GNAQ: variants seen among roughly 807,000 people sequenced by gnomAD.
GNAQ encodes the protein guanine nucleotide-binding protein G(q) subunit alpha.
GNAQ carries 8 observed loss-of-function variants against 43.9 expected under a neutral mutation model. The observed-to-expected ratio is 0.18, with a 90% CI of 0.11 to 0.33. The LOEUF is 0.33. Among genes scored for constraint, GNAQ ranks in the 10% least tolerant of loss-of-function variants. GNAQ has a pLI of 1.00. For missense variants in GNAQ, 158 were observed against 450.8 expected (o/e 0.35, Z 5.88); for synonymous variants, 155 against 170.7 (o/e 0.91, Z 0.71).
chr9:77,841,129 T>C (rs776043043), intron 2 of GNAQ, among the ~76,000 whole-genome samples: 12 of 146,904 alleles, frequency 8.2e-5, no homozygotes, highest in East Asian at 2.0e-4. Flanking sequence ...CCAAATTGTA[T>C]TGAAGCACAG....
chr9:77,874,422 G>A (rs12351413), intron 2 of GNAQ, among the ~76,000 whole-genome samples: 1,958 of 152,146 alleles, frequency 0.013, 46 homozygotes, highest in African/African-American at 0.043. Context: ...ATCTCAATCT[G>A]TTCCCTTTTA....
intron 5 of GNAQ, among the ~76,000 whole-genome samples, chr9:77,774,665 G>A (rs1826280785): frequency 6.6e-6 from 1 of 152,104 alleles, no homozygotes; most frequent in South Asian, 2.1e-4. Context: ...GTCTCACTCT[G>A]TTGTCCAGGT....
At chr9:77,804,659 C>T (rs1427082046) in intron 3 of GNAQ, among the ~76,000 whole-genome samples, 1 of 152,122 alleles carries the variant, frequency 6.6e-6, no homozygotes, top group African/African-American at 2.4e-5. Flanking sequence ...TAAATGAAAT[C>T]GCATCTTGGG....
At chr9:77,793,460 G>C (rs1826608489) in intron 5 of GNAQ, among the ~76,000 whole-genome samples, 1 of 152,008 alleles carries the variant, frequency 6.6e-6, no homozygotes, top group South Asian at 2.1e-4. Context: ...TATTTTAATG[G>C]AGATATTAAT....
intron 2 of GNAQ, among the ~76,000 whole-genome samples, chr9:77,899,837 T>A (rs1271565668): frequency 6.6e-6 from 1 of 152,186 alleles, no homozygotes; most frequent in African/African-American, 2.4e-5. Flanking sequence ...ACATATCAAA[T>A]GCACGGAACT....
At chr9:77,863,420 A>G (rs1827893548) in intron 2 of GNAQ, among the ~76,000 whole-genome samples, 2 of 152,288 alleles carry the variant, frequency 1.3e-5, no homozygotes, top group South Asian at 4.1e-4. Context: ...AGACCACCTC[A>G]GCGTGGATTT....
intron 5 of GNAQ, among the ~76,000 whole-genome samples, chr9:77,785,674 A>G (rs1826465480): frequency 6.6e-6 from 1 of 152,230 alleles, no homozygotes. Flanking sequence ...AACAATAACA[A>G]TACTGTCAGT....
intron 5 of GNAQ, among the ~76,000 whole-genome samples, chr9:77,754,537 T>C (rs1165728842): frequency 6.6e-6 from 1 of 152,208 alleles, no homozygotes; most frequent in East Asian, 1.9e-4. Flanking sequence ...TCTGTCATAA[T>C]CACACTCTTC....
chr9:77,859,822 G>A (rs1380996024), intron 2 of GNAQ, among the ~76,000 whole-genome samples: 1 of 152,228 alleles, frequency 6.6e-6, no homozygotes. Context: ...AGGATGAAGA[G>A]TAATTGCTTG....
intron 5 of GNAQ, among the ~76,000 whole-genome samples, chr9:77,762,650 TAGAAAGCGG>T (rs1826063290): frequency 6.6e-6 from 1 of 151,356 alleles, no homozygotes; most frequent in Non-Finnish European, 1.5e-5. Context: ...TTTTGTGGAA[TAGAAAGCGG>T]GGAAAGGTGG....
chr9:77,862,945 G>A (rs1041978584), intron 2 of GNAQ, among the ~76,000 whole-genome samples: 4 of 152,206 alleles, frequency 2.6e-5, no homozygotes, highest in African/African-American at 9.6e-5. Flanking sequence ...TTGGGAGGCT[G>A]AGGCACGAGG....
intron 2 of GNAQ, among the ~76,000 whole-genome samples, chr9:77,882,075 T>C (rs1167620570): frequency 3.3e-5 from 5 of 152,118 alleles, no homozygotes; most frequent in Non-Finnish European, 7.4e-5. Flanking sequence ...AAGGCGGAAG[T>C]TGCAGTGAGC....
chr9:77,934,082 C>T (rs1371288267), intron 1 of GNAQ, among the ~76,000 whole-genome samples: 1 of 152,174 alleles, frequency 6.6e-6, no homozygotes, highest in Non-Finnish European at 1.5e-5. Flanking sequence ...CACCTTATTG[C>T]ATATTCATCA....
At chr9:77,979,724 A>C (rs1280062663) in intron 1 of GNAQ, among the ~76,000 whole-genome samples, 2 of 152,224 alleles carry the variant, frequency 1.3e-5, no homozygotes, top group Non-Finnish European at 2.9e-5. Context: ...TACTTTCACA[A>C]GCAACATGCA....
intron 1 of GNAQ, among the ~76,000 whole-genome samples, chr9:78,024,387 C>A (rs768683938): frequency 2.0e-5 from 3 of 152,144 alleles, no homozygotes; most frequent in Non-Finnish European, 4.4e-5. Context: ...TCCGATTACC[C>A]TCCATTCTTT....
chr9:77,816,565 C>T (rs942886927), intron 2 of GNAQ, among the ~76,000 whole-genome samples: 1 of 151,962 alleles, frequency 6.6e-6, no homozygotes, highest in Admixed American at 6.6e-5. Context: ...CCTAACAATC[C>T]AAATCAAACT....
At position 77,797,397 on chromosome 9, in the gene GNAQ, T is replaced by C. The variant is rs930559536; in HGVS notation, c.605+123A>G. The C allele has an allele frequency of 1.1e-5, 8 of 727,744 alleles. No homozygotes were observed. The Admixed American group carries it at 2.0e-4, about 18-fold the overall frequency. 45.1% of individuals were successfully genotyped at this position (727,744 alleles called of 1,614,324 possible). Reference sequence around the variant, plus strand: ...GTCATTTTATTTGTATAACTAATGATAATAATTGGTATAAAGCCTATCTTG... The same window carrying C: ...GTCATTTTATTTGTATAACTAATGACAATAATTGGTATAAAGCCTATCTTG... On this transcript the variant is annotated intron_variant, in intron 4 of 6. Transcript: ENST00000286548.
chr9:77,813,408 G>T (rs1348865552), intron 3 of GNAQ, among the ~76,000 whole-genome samples: 1 of 152,174 alleles, frequency 6.6e-6, no homozygotes, highest in Non-Finnish European at 1.5e-5. Context: ...AGAACTCTAA[G>T]ATAGCAGCTT....
At chr9:77,881,636 G>T (rs1333895812) in intron 2 of GNAQ, among the ~76,000 whole-genome samples, 1 of 152,032 alleles carries the variant, frequency 6.6e-6, no homozygotes, top group Admixed American at 6.6e-5. Flanking sequence ...CCTCAACCTT[G>T]GCCTCCCGAA....
Sources: allele counts gnomAD v4.1 joint callset (sites outside exome capture counted in the v4.1 genomes callset), GRCh38; gene constraint gnomAD v4.1.1; transcripts MANE v1.5; gene names NCBI Gene and HGNC (gene_info 2026-07-23, HGNC 2026-07-21).